Variants in SCARB2 observed in about 807,000 individuals in gnomAD.
SCARB2 encodes scavenger receptor class B member 2.
Under a neutral mutation model 58.6 loss-of-function variants are expected in SCARB2, and 29 were observed. The observed-to-expected ratio is 0.49, with a 90% CI of 0.37 to 0.67. The LOEUF is 0.67. Ranked by LOEUF, SCARB2 falls within the 30% of genes least tolerant of loss-of-function variation. SCARB2 has a pLI of 0.00. For synonymous variants in SCARB2, 195 were observed against 210.1 expected (o/e 0.93, Z 0.62); for missense variants, 488 against 578.5 (o/e 0.84, Z 1.60).
At chr4:76,171,969 T>A (rs1007158545) in intron 7 of SCARB2, among the ~76,000 whole-genome samples, 9 of 97,032 alleles carry the variant, frequency 9.3e-5, no homozygotes, top group Non-Finnish European at 1.8e-4. Flanking sequence ...GCACCATGAG[T>A]GTGTGTGCAC....
upstream of SCARB2, among the ~76,000 whole-genome samples, chr4:76,214,930 T>C (rs972014155): frequency 2.0e-5 from 3 of 152,020 alleles, no homozygotes; most frequent in African/African-American, 7.2e-5. Context: ...GGAAGGAAGG[T>C]TGGGTGGAAG....
At chr4:76,184,842 C>T (rs1368656536) in intron 2 of SCARB2, 2 of 337,592 alleles carry the variant, frequency 5.9e-6, no homozygotes, top group Non-Finnish European at 1.1e-5. Flanking sequence ...GACAGGATTC[C>T]TCCCAGTGGC....
chr4:76,190,535 G>C (rs1422149497), intron 2 of SCARB2, among the ~76,000 whole-genome samples: 2 of 152,164 alleles, frequency 1.3e-5, no homozygotes, highest in South Asian at 2.1e-4. Context: ...TGTAGTCCCA[G>C]CACTTTGGGA....
Position 76,225,339 on chromosome 4 carries a change from G to A in SCARB2, c.-358+8964C>T, listed in dbSNP as rs190664217. 3.5e-3 allele frequency among the ~76,000 whole-genome samples: 534 copies of A among 152,274 alleles called. 4 individuals carry two copies. The highest frequency in any genetic ancestry group is 0.012 in the African/African-American group (508 of 41,556). On this transcript the variant is annotated intron_variant, in intron 1 of 11. Coordinates refer to the SCARB2 transcript ENST00000638295. ...CTAGGTATATGATCATATCATCAGCGAACAGTGACAGTTTGACTTCTTTAC... is the reference window on the plus strand; with the variant it reads ...CTAGGTATATGATCATATCATCAGCAAACAGTGACAGTTTGACTTCTTTAC...
chr4:76,203,847 A>T (rs1560719545), intron 1 of SCARB2, among the ~76,000 whole-genome samples: 1 of 152,248 alleles, frequency 6.6e-6, no homozygotes, highest in South Asian at 2.1e-4. Context: ...GTCCTGATGT[A>T]AGCCACTTCC....
At chr4:76,222,436 C>T (rs1324694753) in intron 1 of SCARB2, among the ~76,000 whole-genome samples, 3 of 152,154 alleles carry the variant, frequency 2.0e-5, no homozygotes, top group Admixed American at 2.0e-4. Flanking sequence ...CCATGTTGGC[C>T]AGGCCAGTCT....
upstream of SCARB2, among the ~76,000 whole-genome samples, chr4:76,216,835 A>G (rs918075443): frequency 3.3e-5 from 5 of 152,236 alleles, no homozygotes; most frequent in African/African-American, 1.2e-4. Context: ...AACAAAAAGG[A>G]CCTAATTACA....
chr4:76,213,636 G>C lies in SCARB2; in HGVS notation c.-93C>G. ...CCGCCGCAGAGGCGTCGAAGACCCG[G>C]GACCCTTCGGCGCCACGCCCACGCC... On this transcript the variant is annotated 5_prime_UTR_variant, in exon 1 of 12. Transcript: ENST00000264896. The C allele has an allele frequency of 2.0e-6, 2 of 979,294 alleles. No homozygotes were observed. The highest frequency in any genetic ancestry group is 2.8e-5 in the South Asian group (2 of 72,518). 60.7% of individuals were successfully genotyped at this position (979,294 alleles called of 1,614,324 possible).
At chr4:76,188,117 T>C (rs1318077101) in intron 2 of SCARB2, among the ~76,000 whole-genome samples, 2 of 152,224 alleles carry the variant, frequency 1.3e-5, no homozygotes, top group African/African-American at 4.8e-5. Context: ...CAAATTGTTT[T>C]CTTTTTTAAT....
At chr4:76,178,409 T>TAA (rs1732306344) in intron 4 of SCARB2, among the ~76,000 whole-genome samples, 3 of 152,050 alleles carry the variant, frequency 2.0e-5, no homozygotes, top group Admixed American at 6.5e-5. Flanking sequence ...TTCAATGATG[T>TAA]AAAAACAAAA....
Position 76,195,788 on chromosome 4 carries a change from T to A in SCARB2, c.194A>T (p.Tyr65Phe), listed in dbSNP as rs138955932. 6.2e-7 allele frequency: 1 copy of A among 1,613,782 alleles called. No homozygotes were observed. Among genetic ancestry groups the A allele is most frequent in the East Asian group, 2.2e-5 (1 of 44,880 alleles). ...CTCTGGATTGGTGACATTGAAGAAA[T>A]AGAACTGAGTATACACAGGCAGAGG... ...KPPLPVYTQFYFFNVTNPEEI... is the reference protein window; with the variant it reads ...KPPLPVYTQFFFFNVTNPEEI... Residue 65 changes from tyrosine to phenylalanine, a missense_variant, in exon 2 of 12, where the codon TAT becomes TTT. Tyr to Phe is a conservative substitution (Grantham distance 22). Coordinates refer to ENST00000264896, the MANE Select transcript of SCARB2 (RefSeq NM_005506.4).
intron 7 of SCARB2, chr4:76,173,425 G>A (rs1316025631): frequency 1.3e-5 from 2 of 152,456 alleles, no homozygotes; most frequent in East Asian, 3.9e-4. Context: ...CGAACTCCTG[G>A]GTTCAAGCAA....
intron 2 of SCARB2, among the ~76,000 whole-genome samples, chr4:76,188,462 G>A (rs956280492): frequency 1.3e-5 from 2 of 151,992 alleles, no homozygotes; most frequent in Admixed American, 6.5e-5. Flanking sequence ...TTTGGGAAAT[G>A]TGCCACTGTA....
intron 10 of SCARB2, chr4:76,164,963 T>C (rs1352824573): frequency 6.6e-6 from 1 of 152,050 alleles, no homozygotes; most frequent in Non-Finnish European, 1.5e-5. Context: ...TATTTTATTT[T>C]TCTAGAGAAG....
At chr4:76,219,685 G>T (rs1354005498) in intron 1 of SCARB2, among the ~76,000 whole-genome samples, 2 of 152,102 alleles carry the variant, frequency 1.3e-5, no homozygotes, top group African/African-American at 4.8e-5. Context: ...TCAGCCTGGA[G>T]TGGTGGGGAG....
intron 7 of SCARB2, among the ~76,000 whole-genome samples, chr4:76,170,305 C>T (rs1290677344): frequency 6.6e-6 from 1 of 152,138 alleles, no homozygotes; most frequent in Non-Finnish European, 1.5e-5. Flanking sequence ...ATGCTCCCAA[C>T]AGCCCAGTAA....
intron 3 of SCARB2, chr4:76,180,093 C>T: frequency 1.2e-5 from 4 of 326,946 alleles, no homozygotes; most frequent in Admixed American, 4.1e-5. Flanking sequence ...GTGGCAGGGA[C>T]CTCATACTGT....
chr4:76,209,204 G>C (rs1732990921), intron 1 of SCARB2, among the ~76,000 whole-genome samples: 1 of 152,108 alleles, frequency 6.6e-6, no homozygotes, highest in Admixed American at 6.6e-5. Flanking sequence ...CAGGAGATGA[G>C]GTAGATATGC....
chr4:76,197,312 A>G (rs773980365), intron 1 of SCARB2, among the ~76,000 whole-genome samples: 1 of 152,224 alleles, frequency 6.6e-6, no homozygotes. Context: ...TGGAATGGCA[A>G]TGTATCAATT....
Sources: gnomAD v4.1 joint callset for allele counts (sites outside exome capture counted in the v4.1 genomes callset) on GRCh38, gnomAD v4.1.1 for gene constraint, MANE v1.5 for transcripts, NCBI Gene and HGNC (gene_info 2026-07-23, HGNC 2026-07-21) for gene names.